RHOBTB2: variants seen among roughly 807,000 people sequenced by gnomAD.
The protein encoded by RHOBTB2 is rho-related BTB domain-containing protein 2.
A neutral mutation model predicts 66.5 loss-of-function variants in RHOBTB2; 39 were observed. That is an observed-to-expected ratio of 0.59 (90% confidence interval 0.45 to 0.77). RHOBTB2 has a LOEUF of 0.77. Among genes scored for constraint, RHOBTB2 ranks in the 30% least tolerant of loss-of-function variants. The pLI is 0.00. For missense variants in RHOBTB2, 755 were observed against 999.1 expected (o/e 0.76, Z 3.29); for synonymous variants, 390 against 395.0 (o/e 0.99, Z 0.15).
chr8:22,994,612 G>C, upstream of RHOBTB2: 1 of 1,551,568 alleles, frequency 6.4e-7, no homozygotes, highest in African/African-American at 1.4e-5. Flanking sequence ...GGCCCCGATG[G>C]CCCCCAGAAG....
At chr8:22,958,161 T>G in the RHOBTB2 span, among the ~76,000 whole-genome samples, 2 of 152,170 alleles carry the variant, frequency 1.3e-5, no homozygotes, top group Non-Finnish European at 2.9e-5. Context: ...TGTTCAGCAG[T>G]TAGGGAGACC....
At chr8:22,961,363 A>G in the RHOBTB2 span, among the ~76,000 whole-genome samples, 1 of 152,122 alleles carries the variant, frequency 6.6e-6, no homozygotes, top group Non-Finnish European at 1.5e-5. Flanking sequence ...TGGAGCTGTA[A>G]CTGATCAAGC....
the RHOBTB2 span, among the ~76,000 whole-genome samples, chr8:22,954,623 T>C: frequency 6.6e-6 from 1 of 152,218 alleles, no homozygotes; most frequent in East Asian, 1.9e-4. Context: ...AATAAAATCA[T>C]GTTGTGATGC....
At chr8:22,952,530 TAGA>T in the RHOBTB2 span, among the ~76,000 whole-genome samples, 3 of 152,252 alleles carry the variant, frequency 2.0e-5, no homozygotes, top group South Asian at 6.2e-4. Flanking sequence ...CTTGCCTCCT[TAGA>T]AGAAGGAATT....
chr8:23,016,137 C>T (rs1811285301), intron 9 of RHOBTB2, among the ~76,000 whole-genome samples: 1 of 152,212 alleles, frequency 6.6e-6, no homozygotes, highest in Non-Finnish European at 1.5e-5. Context: ...GTACAGGCCA[C>T]AGCTTGGACC....
the RHOBTB2 span, among the ~76,000 whole-genome samples, chr8:22,951,687 G>A: frequency 2.6e-5 from 4 of 152,288 alleles, no homozygotes; most frequent in South Asian, 2.1e-4. Context: ...ACATTGATCC[G>A]TTAGGGTGGG....
upstream of RHOBTB2, chr8:22,995,921 G>A: frequency 1.3e-6 from 2 of 1,544,144 alleles, no homozygotes; most frequent in Non-Finnish European, 1.8e-6. Context: ...AAAGCTGCCT[G>A]TGAAGCAAAG....
rs1378382027 is a variant in RHOBTB2 at position 23,007,656 on chromosome 8, GAGGCCTTCATGAACCAGGAGATCACCA to G, written c.1420_1446del (p.Met474_Phe482del). ...GATGGTGGCCAACATTCTCAACAAT[GAGGCCTTCATGAACCAGGAGATCACCA>G]AGGCCTTCCACGTCCGCCGGACCAA... On this transcript the variant is annotated inframe_deletion, in exon 5 of 10. Coordinates refer to ENST00000251822, the MANE Select transcript of RHOBTB2 (RefSeq NM_015178.3). 1 of 1,614,058 alleles carries G rather than the reference GAGGCCTTCATGAACCAGGAGATCACCA, an allele frequency of 6.2e-7. No homozygotes were observed. The highest frequency in any genetic ancestry group is 1.7e-5 in the Admixed American group (1 of 59,998).
At chr8:22,994,432 G>A (rs899611459) in intron 2 of RHOBTB2, 5 of 553,430 alleles carry the variant, frequency 9.0e-6, no homozygotes, top group African/African-American at 1.9e-5. Context: ...ATCAGGGGCC[G>A]CTCTCTTGTC....
intron 6 of RHOBTB2, among the ~76,000 whole-genome samples, chr8:23,008,670 G>C (rs1195730418): frequency 1.3e-5 from 2 of 152,318 alleles, no homozygotes; most frequent in East Asian, 3.9e-4. Context: ...ACCATGGCTG[G>C]GGTCACATGG....
upstream of RHOBTB2, among the ~76,000 whole-genome samples, chr8:22,997,937 T>C (rs919231662): frequency 6.6e-6 from 1 of 152,230 alleles, no homozygotes; most frequent in Admixed American, 6.5e-5. Flanking sequence ...TGTGTGAGCA[T>C]GGTTTACTTT....
the RHOBTB2 span, among the ~76,000 whole-genome samples, chr8:22,973,523 C>G: frequency 4.6e-5 from 7 of 152,256 alleles, no homozygotes; most frequent in South Asian, 1.5e-3. Context: ...CGTGAGCCAC[C>G]ACACCTGGTC....
chr8:23,014,428 G>C (rs1199348259), intron 7 of RHOBTB2, among the ~76,000 whole-genome samples: 4 of 152,176 alleles, frequency 2.6e-5, no homozygotes, highest in African/African-American at 9.7e-5. Context: ...ATTATGTCAC[G>C]GGACATACGT....
rs534159708 is a variant in RHOBTB2 at position 23,006,023 on chromosome 8, C to G, written c.360C>G (p.Thr120=). ...ANPNSLHHVK[T]MWYPEIKHFC... is the part of the protein sequence containing the mutation. ...CCAATTCCCTCCACCATGTCAAGAC[C>G]ATGTGGTACCCAGAAATCAAGCACT... Residue 120 remains threonine (T), a synonymous_variant, in exon 4 of 10, where the codon ACC becomes ACG. Coordinates refer to ENST00000251822, the MANE Select transcript of RHOBTB2 (RefSeq NM_015178.3). This position sits in a 1 kb window ranked among gnomAD's most constrained non-coding sequence, Gnocchi z 6.1. 6.2e-7 allele frequency: 1 copy of G among 1,614,032 alleles called. No homozygotes were observed. Among genetic ancestry groups the G allele is most frequent in the South Asian group, 1.1e-5 (1 of 91,058 alleles).
the RHOBTB2 span, among the ~76,000 whole-genome samples, chr8:22,975,800 C>CCTTCCCTCCCTCCT: frequency 6.6e-6 from 1 of 152,016 alleles, no homozygotes; most frequent in South Asian, 2.1e-4. Context: ...CTGGGTGGCC[C>CCTTCCCTCCCTCCT]CTTCCCTCCC....
upstream of RHOBTB2, chr8:22,994,760 A>T: frequency 1.6e-6 from 1 of 633,168 alleles, no homozygotes; most frequent in Non-Finnish European, 2.7e-6. Flanking sequence ...AGACCAACAT[A>T]AAAAAAAATA....
At chr8:22,961,640 TG>T in the RHOBTB2 span, among the ~76,000 whole-genome samples, 1 of 151,928 alleles carries the variant, frequency 6.6e-6, no homozygotes, top group African/African-American at 2.4e-5. Flanking sequence ...AGCTAAAAGG[TG>T]GGTGGGGAGG....
At chr8:22,976,662 G>A in the RHOBTB2 span, among the ~76,000 whole-genome samples, 13 of 151,854 alleles carry the variant, frequency 8.6e-5, no homozygotes, top group Non-Finnish European at 5.9e-5. Context: ...GTCTCATTCT[G>A]TCACCCAGGC....
the RHOBTB2 span, among the ~76,000 whole-genome samples, chr8:22,954,043 A>C: frequency 6.6e-6 from 1 of 152,230 alleles, no homozygotes; most frequent in Non-Finnish European, 1.5e-5. Context: ...GCTTCAAGCT[A>C]TATGCCATCG....
Sources: gnomAD v4.1 joint callset for allele counts (sites outside exome capture counted in the v4.1 genomes callset) on GRCh38, gnomAD v4.1.1 for gene constraint, Gnocchi (gnomAD v3.1) non-coding constraint, MANE v1.5 for transcripts, NCBI Gene and HGNC (gene_info 2026-07-23, HGNC 2026-07-21) for gene names.